The following RORA variants were observed in gnomAD, a reference collection of about 807,000 sequenced individuals.
The protein encoded by RORA is RAR related orphan receptor A, also known as nuclear receptor ROR-alpha.
A neutral mutation model predicts 69.5 loss-of-function variants in RORA; 7 were observed. That is an observed-to-expected ratio of 0.10 (90% CI 0.06 to 0.19). The LOEUF is 0.19. RORA is among the 10% of genes least tolerant of loss of function. RORA has a pLI of 1.00. For missense variants in RORA, 457 were observed against 663.0 expected (o/e 0.69, Z 3.41); for synonymous variants, 261 against 240.8 (o/e 1.08, Z -0.78).
chr15:60,835,524 T>C (rs2073104054), intron 1 of RORA, among the ~76,000 whole-genome samples: 1 of 152,214 alleles, frequency 6.6e-6, no homozygotes, highest in African/African-American at 2.4e-5. Flanking sequence ...TTCCCCAGAA[T>C]GTGAGACACC....
chr15:61,096,055 G>A (rs1447847367), intron 1 of RORA, among the ~76,000 whole-genome samples: 3 of 152,198 alleles, frequency 2.0e-5, no homozygotes, highest in Non-Finnish European at 1.5e-5. Flanking sequence ...GAAGAAGTGA[G>A]AGGAGCAGGA....
In RORA at chr15:61,142,354, T is replaced by C. The variant is rs543319539; in HGVS notation, c.166+86699A>G. ...CCATTTTGAATAAGACAGTCCAATC[T>C]TGACAATTATTAACTATAACTCATC... On this transcript the variant is annotated intron_variant, in intron 1 of 10. Coordinates refer to ENST00000335670, the MANE Select transcript of RORA (RefSeq NM_134261.3). Among the ~76,000 whole-genome samples the C allele has an allele frequency of 4.7e-4, 72 of 152,210 alleles. 4 individuals are homozygous for C. In the South Asian group the frequency reaches 0.014, roughly 29 times the overall value.
intron 1 of RORA, among the ~76,000 whole-genome samples, chr15:60,704,154 C>T (rs188505942): frequency 1.5e-3 from 224 of 152,286 alleles, no homozygotes; most frequent in Admixed American, 3.6e-3. Context: ...GCAACACAGC[C>T]GTGACAAAAA....
chr15:61,220,304 C>T (rs968591589), intron 1 of RORA, among the ~76,000 whole-genome samples: 5 of 152,220 alleles, frequency 3.3e-5, no homozygotes, highest in African/African-American at 1.2e-4. Flanking sequence ...GATATAATAT[C>T]CCCGTCACAC....
chr15:60,804,327 C>T lies in RORA; in HGVS notation c.167-125641G>A, dbSNP rs538204436. On this transcript the variant is annotated intron_variant, in intron 1 of 10. Coordinates refer to ENST00000335670, the MANE Select transcript of RORA (RefSeq NM_134261.3). ...AAAAAAAAAGAACTACTAGTTAACA[C>T]ATGTTTGCTCTGTGTTAGCTGTTAT... Among the ~76,000 whole-genome samples, 3 of 142,770 alleles carry T rather than the reference C, an allele frequency of 2.1e-5. No individual in the cohort carries two copies. In the East Asian group the frequency reaches 6.2e-4, roughly 29 times the overall value. 93.7% of individuals were successfully genotyped at this position (142,770 alleles called of 152,430 possible).
At chr15:60,980,342 C>G (rs1290375483) in intron 1 of RORA, among the ~76,000 whole-genome samples, 1 of 152,022 alleles carries the variant, frequency 6.6e-6, no homozygotes, top group Admixed American at 6.5e-5. Flanking sequence ...TGTAGCTTTC[C>G]TTTCTTGGGA....
At chr15:60,665,761 A>C (rs1024173435) in intron 2 of RORA, among the ~76,000 whole-genome samples, 39 of 151,726 alleles carry the variant, frequency 2.6e-4, no homozygotes, top group African/African-American at 8.2e-4. Flanking sequence ...TGCAACCTCC[A>C]TCTCCCGGGT....
intron 1 of RORA, among the ~76,000 whole-genome samples, chr15:60,921,278 C>A (rs1202308549): frequency 6.6e-6 from 1 of 152,104 alleles, no homozygotes; most frequent in Non-Finnish European, 1.5e-5. Context: ...ATGGAAATAC[C>A]ACTAATTCCA....
At chr15:60,608,309 C>G (rs76656098) in intron 2 of RORA, among the ~76,000 whole-genome samples, 1,906 of 152,286 alleles carry the variant, frequency 0.013, 49 homozygotes, top group African/African-American at 0.044. Context: ...TGGCCACCTC[C>G]AAATTGCTTT....
intron 2 of RORA, among the ~76,000 whole-genome samples, chr15:60,555,728 G>GA (rs1303299998): frequency 6.6e-6 from 1 of 151,344 alleles, no homozygotes; most frequent in South Asian, 2.1e-4. Context: ...GGCTGAAACG[G>GA]AAAAAAAACT....
At chr15:61,149,153 T>C (rs2079376012) in intron 1 of RORA, among the ~76,000 whole-genome samples, 1 of 152,230 alleles carries the variant, frequency 6.6e-6, no homozygotes, top group Non-Finnish European at 1.5e-5. Context: ...TGCTATCTCC[T>C]ACAGAAAAGG....
chr15:61,062,748 G>A (rs2078204682), intron 1 of RORA, among the ~76,000 whole-genome samples: 1 of 152,162 alleles, frequency 6.6e-6, no homozygotes, highest in Non-Finnish European at 1.5e-5. Context: ...CAACTGCACA[G>A]GCATGCAACA....
At chr15:60,666,232 C>T (rs1333549067) in intron 2 of RORA, among the ~76,000 whole-genome samples, 1 of 150,634 alleles carries the variant, frequency 6.6e-6, no homozygotes, top group Non-Finnish European at 1.5e-5. Flanking sequence ...CAGTGGTGCA[C>T]TCTCTGCTAA....
At chr15:60,986,340 G>T (rs1023142842) in intron 1 of RORA, among the ~76,000 whole-genome samples, 3 of 152,160 alleles carry the variant, frequency 2.0e-5, no homozygotes, top group Non-Finnish European at 2.9e-5. Context: ...TACCATGTTG[G>T]CCAAGCTGGT....
chr15:60,847,256 G>A (rs892068705), intron 1 of RORA, among the ~76,000 whole-genome samples: 5 of 151,956 alleles, frequency 3.3e-5, no homozygotes, highest in South Asian at 2.1e-4. Context: ...AAGGGTGAAC[G>A]CAGAGGTGAA....
intron 1 of RORA, among the ~76,000 whole-genome samples, chr15:61,114,145 C>T (rs576230779): frequency 1.3e-5 from 2 of 152,290 alleles, no homozygotes; most frequent in African/African-American, 4.8e-5. Flanking sequence ...AAATTTGGCT[C>T]ACCACAGAGG....
chr15:61,066,902 A>C (rs966443875), intron 1 of RORA, among the ~76,000 whole-genome samples: 1 of 150,036 alleles, frequency 6.7e-6, no homozygotes, highest in African/African-American at 2.4e-5. Context: ...AAAAAAAAAA[A>C]AAAACCCAAA....
At chr15:61,022,075 G>C (rs1895556372) in intron 1 of RORA, among the ~76,000 whole-genome samples, 1 of 152,336 alleles carries the variant, frequency 6.6e-6, no homozygotes, top group South Asian at 2.1e-4. Context: ...TCTGTAAAGA[G>C]TGGGAAAGGT....
chr15:60,946,954 G>A (rs971032804), intron 1 of RORA, among the ~76,000 whole-genome samples: 1 of 150,522 alleles, frequency 6.6e-6, no homozygotes, highest in Non-Finnish European at 1.5e-5. Flanking sequence ...TCTCTGCCCC[G>A]CCGCCCTCTC....
Sources: gnomAD v4.1 joint callset for allele counts (sites outside exome capture counted in the v4.1 genomes callset) on GRCh38, gnomAD v4.1.1 for gene constraint, MANE v1.5 for transcripts, NCBI Gene and HGNC (gene_info 2026-07-23, HGNC 2026-07-21) for gene names.